POLK: variants seen among roughly 807,000 people sequenced by gnomAD.
POLK encodes polymerase (DNA directed) kappa.
Under a neutral mutation model 94.0 loss-of-function variants are expected in POLK, and 76 were observed. That is an observed-to-expected ratio of 0.81 (90% CI 0.67 to 0.98). The LOEUF (loss-of-function observed/expected upper bound fraction) is 0.98. POLK is among the 50% of genes least tolerant of loss of function. POLK has a pLI of 0.00. For missense variants in POLK, 954 were observed against 1,010.1 expected (o/e 0.94, Z 0.75); for synonymous variants, 349 against 325.4 (o/e 1.07, Z -0.78).
At chr5:75,541,046 G>A (rs1769710848) in intron 1 of POLK, among the ~76,000 whole-genome samples, 1 of 152,156 alleles carries the variant, frequency 6.6e-6, no homozygotes, top group African/African-American at 2.4e-5. Flanking sequence ...CACTTTAGGA[G>A]ACAGAGGCGG....
chr5:75,597,526 G>C (rs951778863), intron 13 of POLK: 37 of 417,622 alleles, frequency 8.9e-5, no homozygotes, highest in Non-Finnish European at 1.7e-5. Context: ...CTTATTTTTT[G>C]GTAGTGCTGA....
chr5:75,511,010 G>A, upstream of POLK: 1 of 1,395,032 alleles, frequency 7.2e-7, no homozygotes, highest in African/African-American at 1.5e-5. Flanking sequence ...TCGCACCCCG[G>A]CACGTTCCGC....
At chr5:75,582,150 G>A (rs1021800731) in intron 7 of POLK, 15 of 986,384 alleles carry the variant, frequency 1.5e-5, no homozygotes, top group Non-Finnish European at 1.8e-5. Flanking sequence ...ATACTAACTA[G>A]CAACATAGCA....
intron 6 of POLK, 93 bp from the exon 7 acceptor site, chr5:75,581,116 G>T (rs1003860730): frequency 1.2e-6 from 1 of 831,210 alleles, no homozygotes; most frequent in South Asian, 1.7e-5. Context: ...CTAGATTTTT[G>T]TTTTTGTCTT....
At chr5:75,557,498 C>G (rs1482253845) in intron 3 of POLK, among the ~76,000 whole-genome samples, 1 of 152,134 alleles carries the variant, frequency 6.6e-6, no homozygotes, top group African/African-American at 2.4e-5. Context: ...CCTTGGTTTA[C>G]AATGGAGTTA....
intron 8 of POLK, among the ~76,000 whole-genome samples, chr5:75,584,355 C>T (rs544895046): frequency 9.9e-4 from 151 of 152,230 alleles, no homozygotes; most frequent in African/African-American, 3.4e-3. Flanking sequence ...AAGCAGTTTT[C>T]TTGCATGACT....
At chr5:75,608,823 T>G in the POLK span, 1 of 152,174 alleles carries the variant, frequency 6.6e-6, no homozygotes, top group Non-Finnish European at 1.5e-5. Flanking sequence ...GGATGAAGAA[T>G]GGAGAAGAAT....
intron 1 of POLK, among the ~76,000 whole-genome samples, chr5:75,529,824 A>G (rs1448815094): frequency 1.3e-5 from 2 of 152,210 alleles, no homozygotes; most frequent in East Asian, 1.9e-4. Context: ...TTTCACTTGT[A>G]TAAGTACATA....
intron 11 of POLK, among the ~76,000 whole-genome samples, chr5:75,592,246 G>T (rs891693027): frequency 6.6e-6 from 1 of 152,190 alleles, no homozygotes; most frequent in African/African-American, 2.4e-5. Context: ...ATAGCATCTG[G>T]CAATGCAGAA....
the POLK span, chr5:75,609,141 TCTC>T: frequency 2.6e-5 from 4 of 152,218 alleles, no homozygotes; most frequent in Non-Finnish European, 5.9e-5. Flanking sequence ...TGATGCATTT[TCTC>T]CTGTCATTGA....
chr5:75,594,071 G>C (rs1772935493), intron 12 of POLK, 22 bp downstream of exon 12: 1 of 1,530,182 alleles, frequency 6.5e-7, no homozygotes, highest in Admixed American at 2.0e-5. Flanking sequence ...TCATTTTTTT[G>C]TTTTTCCTTA....
Position 75,552,470 on chromosome 5 carries a change from A to G in POLK, c.136-2A>G. On this transcript the variant is annotated splice_acceptor_variant, in intron 2 of 14. Coordinates refer to ENST00000241436, the Ensembl canonical transcript of POLK. LOFTEE classifies it high-confidence loss of function. ...TATGCTTTGTTTTGTTTTCCTCCATAGGGGTCCAGATTTTATGGAAATGAG... is the reference window on the plus strand; with the variant it reads ...TATGCTTTGTTTTGTTTTCCTCCATGGGGGTCCAGATTTTATGGAAATGAG... 6.2e-7 allele frequency: 1 copy of G among 1,610,222 alleles called. No individual in the cohort carries two copies. Among genetic ancestry groups the G allele is most frequent in the South Asian group, 1.1e-5 (1 of 90,550 alleles).
At chr5:75,543,054 T>C (rs1769836069) in intron 1 of POLK, among the ~76,000 whole-genome samples, 2 of 149,420 alleles carry the variant, frequency 1.3e-5, no homozygotes, top group Non-Finnish European at 3.0e-5. Context: ...TATTTATTTA[T>C]TTTTGAGACG....
intron 1 of POLK, among the ~76,000 whole-genome samples, chr5:75,528,143 T>A (rs1380397082): frequency 6.6e-6 from 1 of 152,150 alleles, no homozygotes; most frequent in Non-Finnish European, 1.5e-5. Context: ...GAAAACAATA[T>A]GTAGGATGAA....
upstream of POLK, chr5:75,511,375 G>C (rs5744540): frequency 0.013 from 20,462 of 1,547,012 alleles, 182 homozygotes; most frequent in Non-Finnish European, 0.016. Context: ...CGCCGCCGCC[G>C]CGCCTGACAC....
chr5:75,521,703 T>G (rs2112538084), intron 1 of POLK, among the ~76,000 whole-genome samples: 1 of 152,364 alleles, frequency 6.6e-6, no homozygotes, highest in South Asian at 2.1e-4. Context: ...TAGTCTTCTC[T>G]GACTAGTTTG....
chr5:75,539,465 T>C (rs1336475836), intron 1 of POLK, among the ~76,000 whole-genome samples: 1 of 152,206 alleles, frequency 6.6e-6, no homozygotes, highest in Non-Finnish European at 1.5e-5. Flanking sequence ...ACAATCGCAA[T>C]GTATGTTAGT....
chr5:75,511,076 C>T (rs772104346), upstream of POLK: 40 of 1,503,518 alleles, frequency 2.7e-5, no homozygotes, highest in Non-Finnish European at 3.4e-5. Flanking sequence ...GCAGGTGAGT[C>T]TGGCCAGGGG....
At chr5:75,511,414 G>A (rs1360845880), upstream of POLK, 2 of 1,545,370 alleles carry the variant, frequency 1.3e-6, no homozygotes, top group Non-Finnish European at 1.7e-6. Flanking sequence ...AGGACGAGCG[G>A]TGAAGGAAGC....
Sources: gnomAD v4.1 joint callset for allele counts (sites outside exome capture counted in the v4.1 genomes callset) on GRCh38, gnomAD v4.1.1 for gene constraint, MANE v1.5 for transcripts, NCBI Gene and HGNC (gene_info 2026-07-23, HGNC 2026-07-21) for gene names.